Variants in TYR observed in about 807,000 individuals in gnomAD.
TYR encodes the protein tyrosinase, also known as LB24-AB.
In TYR, 58 loss-of-function variants were observed where a neutral mutation model predicts 51.5. That is an observed-to-expected ratio of 1.13 (90% confidence interval 0.91 to 1.40). TYR has a LOEUF of 1.40. Ranked by LOEUF, TYR falls within the 40% of genes most tolerant of loss-of-function variation. The pLI is 0.00. For missense variants in TYR, 732 were observed against 647.4 expected (o/e 1.13, Z -1.42); for synonymous variants, 263 against 235.2 (o/e 1.12, Z -1.08).
intron 3 of TYR, among the ~76,000 whole-genome samples, chr11:89,261,749 AT>A (rs1429252100): frequency 6.6e-6 from 1 of 152,070 alleles, no homozygotes; most frequent in Non-Finnish European, 1.5e-5. Context: ...CAGAATGCAC[AT>A]TTTTTTCAAG....
chr11:89,210,351 A>G (rs1943736682), intron 2 of TYR, among the ~76,000 whole-genome samples: 1 of 115,634 alleles, frequency 8.6e-6, no homozygotes, highest in Non-Finnish European at 1.7e-5. Flanking sequence ...GATTCAATCA[A>G]GAGGAAGAAA....
intron 1 of TYR, among the ~76,000 whole-genome samples, chr11:89,180,408 A>G: frequency 6.6e-6 from 1 of 152,334 alleles, no homozygotes; most frequent in Middle Eastern, 3.4e-3. Flanking sequence ...ATAGATACAC[A>G]TTAATTTTTA....
intron 2 of TYR, among the ~76,000 whole-genome samples, chr11:89,194,211 T>C (rs1339903574): frequency 1.3e-5 from 2 of 152,194 alleles, no homozygotes; most frequent in Non-Finnish European, 2.9e-5. Flanking sequence ...TTGACAGCTC[T>C]GGAGGATATA....
At chr11:89,285,211 GA>G (rs941386065) in intron 4 of TYR, among the ~76,000 whole-genome samples, 18 of 149,854 alleles carry the variant, frequency 1.2e-4, no homozygotes, top group African/African-American at 2.9e-4. Flanking sequence ...ATCAGAAGAA[GA>G]AAAAAAAAGG....
intron 1 of TYR, among the ~76,000 whole-genome samples, chr11:89,182,565 T>C (rs1008842065): frequency 2.6e-5 from 4 of 152,210 alleles, no homozygotes; most frequent in Admixed American, 1.3e-4. Flanking sequence ...TAATATTTAT[T>C]GGTCAGAGTT....
chr11:89,228,623 T>C (rs1313133182), intron 3 of TYR, among the ~76,000 whole-genome samples: 1 of 152,180 alleles, frequency 6.6e-6, no homozygotes, highest in Non-Finnish European at 1.5e-5. Context: ...CACACTTTCA[T>C]ATAAGGAAGT....
chr11:89,184,002 C>T (rs1167408490), intron 1 of TYR, among the ~76,000 whole-genome samples: 3 of 152,018 alleles, frequency 2.0e-5, no homozygotes, highest in Admixed American at 1.3e-4. Context: ...GTAACTTGCC[C>T]AAGGCCATGT....
intron 3 of TYR, among the ~76,000 whole-genome samples, chr11:89,243,560 T>C (rs1161003514): frequency 6.6e-6 from 1 of 152,208 alleles, no homozygotes; most frequent in Non-Finnish European, 1.5e-5. Context: ...CCAGTTTACC[T>C]AGCAAGATCT....
Position 89,262,768 on chromosome 11 carries a change from C to T in TYR, c.1185-22005C>T, listed in dbSNP as rs1282517484. On this transcript the variant is annotated intron_variant, in intron 3 of 4. Coordinates refer to ENST00000263321, the MANE Select transcript of TYR (RefSeq NM_000372.5). ...TAGATAAAATAAATTCCTAGAAGCA[C>T]ACAAATTACCAAAACAGACTCAAGA... 3.2e-5 allele frequency among the ~76,000 whole-genome samples: 4 copies of T among 124,926 alleles called. No individual in the cohort carries two copies. In the East Asian group the frequency reaches 1.1e-3, roughly 33 times the overall value. The allele number at this position is 124,926 out of a possible 152,430, so 82.0% of individuals were successfully genotyped here. A position where few individuals can be genotyped will look rare whatever the true frequency, so the allele number is the denominator to read the frequency against.
intron 2 of TYR, among the ~76,000 whole-genome samples, chr11:89,195,102 T>C (rs1197713015): frequency 1.3e-5 from 2 of 152,178 alleles, no homozygotes; most frequent in Non-Finnish European, 2.9e-5. Flanking sequence ...ACAGTAGGAC[T>C]TGAGAGGAGA....
At chr11:89,222,429 C>G (rs551225913) in intron 2 of TYR, among the ~76,000 whole-genome samples, 1 of 152,230 alleles carries the variant, frequency 6.6e-6, no homozygotes, top group East Asian at 1.9e-4. Flanking sequence ...CAAAAGAGAT[C>G]AACTAGTTGC....
chr11:89,265,605 G>A (rs1219892893), intron 3 of TYR, among the ~76,000 whole-genome samples: 1 of 152,028 alleles, frequency 6.6e-6, no homozygotes, highest in Non-Finnish European at 1.5e-5. Context: ...ATGTTTCTGA[G>A]TTTTCTCCTT....
At chr11:89,256,335 CTA>C (rs1292087567) in intron 3 of TYR, among the ~76,000 whole-genome samples, 1 of 151,590 alleles carries the variant, frequency 6.6e-6, no homozygotes, top group Non-Finnish European at 1.5e-5. Context: ...AATATATACT[CTA>C]TAATTACTAG....
intron 2 of TYR, among the ~76,000 whole-genome samples, chr11:89,213,551 T>C (rs1565400107): frequency 6.6e-6 from 1 of 152,300 alleles, no homozygotes; most frequent in East Asian, 1.9e-4. Context: ...CCCATCAGGC[T>C]ACTACTGACT....
chr11:89,291,416 T>TCCC (rs1297973956), intron 4 of TYR, among the ~76,000 whole-genome samples: 1 of 152,006 alleles, frequency 6.6e-6, no homozygotes, highest in African/African-American at 2.4e-5. Flanking sequence ...TATAGTTATA[T>TCCC]CATCTATTAA....
intron 2 of TYR, among the ~76,000 whole-genome samples, chr11:89,203,360 C>A (rs1001504147): frequency 7.2e-5 from 11 of 152,184 alleles, no homozygotes; most frequent in Admixed American, 3.3e-4. Context: ...CTGATAAACT[C>A]CCAACCCTGC....
rs574137249 is a variant in TYR, at chr11:89,294,511, G to T, written c.1367-632G>T. Among the ~76,000 whole-genome samples the T allele has an allele frequency of 4.6e-5, 7 of 152,298 alleles. No individual in the cohort carries two copies. In the East Asian group the frequency reaches 1.2e-3, roughly 25 times the overall value. ...AGAAACAAAGGCCCAGAGTGCGGAC[G>T]CTCCAGGGTACCGCGGCACAGGGCC... On this transcript the variant is annotated intron_variant, in intron 4 of 4. Transcript: ENST00000263321.
rs3913543 is a variant in TYR at position 89,295,222 on chromosome 11, G to T, written c.1446G>T (p.Ala482=). 4 of 1,613,964 alleles carry T rather than the reference G, an allele frequency of 2.5e-6. No individual in the cohort carries two copies. In the East Asian group the frequency reaches 6.7e-5, roughly 27 times the overall value. ...SRIWSWLLGA[A]MVGAVLTALL... ...TCTGGTCATGGCTCCTTGGGGCGGC[G>T]ATGGTAGGGGCCGTCCTCACTGCCC... The change falls in exon 5 of 5, where the codon GCG becomes GCT. Residue 482 remains alanine (A), a synonymous_variant. Coordinates refer to ENST00000263321, the MANE Select transcript of TYR (RefSeq NM_000372.5).
chr11:89,233,628 T>TA lies in TYR; in HGVS notation c.1184+5659dup, dbSNP rs540561354. On this transcript the variant is annotated intron_variant, in intron 3 of 4. Transcript: ENST00000263321. ...TCTGATCCATGGGCTGCAACATAGA[T>TA]ACGTGTTAGCAGGCATGAAAACAGT... 6.7e-4 allele frequency among the ~76,000 whole-genome samples: 96 copies of TA among 142,226 alleles called. 12 individuals are homozygous for TA. Among genetic ancestry groups the TA allele is most frequent in the African/African-American group, 2.5e-3 (90 of 35,896 alleles). The allele number at this position is 142,226 out of a possible 152,430, so 93.3% of individuals were successfully genotyped here.
Sources: gnomAD v4.1 joint callset for allele counts (sites outside exome capture counted in the v4.1 genomes callset) on GRCh38, gnomAD v4.1.1 for gene constraint, MANE v1.5 for transcripts, NCBI Gene and HGNC (gene_info 2026-07-23, HGNC 2026-07-21) for gene names.